The following PRKDC variants were observed in gnomAD, a reference collection of about 807,000 sequenced individuals.
PRKDC encodes protein kinase, DNA-activated, catalytic subunit.
Under a neutral mutation model 486.9 loss-of-function variants are expected in PRKDC, and 82 were observed. The observed-to-expected ratio is 0.17, with a 90% CI of 0.14 to 0.20. The LOEUF (loss-of-function observed/expected upper bound fraction) is 0.20. Ranked by LOEUF, PRKDC falls within the 10% of genes least tolerant of loss-of-function variation. The pLI is 1.00. For synonymous variants in PRKDC, 1,895 were observed against 1,837.0 expected, an observed-to-expected ratio of 1.03 and a Z score of -0.81; for missense variants, 4,504 against 5,038.2, an observed-to-expected ratio of 0.89 and a Z score of 3.21.
chr8:47,882,762 A>G (rs1280585241), intron 36 of PRKDC, among the ~76,000 whole-genome samples: 1 of 152,250 alleles, frequency 6.6e-6, no homozygotes, highest in Non-Finnish European at 1.5e-5. Context: ...CTGACTATGC[A>G]AACATTTTTC....
At chr8:47,879,122 A>G (rs1488344136) in intron 39 of PRKDC, among the ~76,000 whole-genome samples, 3 of 152,236 alleles carry the variant, frequency 2.0e-5, no homozygotes, top group Non-Finnish European at 4.4e-5. Context: ...TAACTTACAT[A>G]TATTTTACAC....
chr8:47,849,481 T>A lies in PRKDC; in HGVS notation c.7028A>T (p.Glu2343Val). 6.2e-7 allele frequency: 1 copy of A among 1,613,984 alleles called. No individual in the cohort carries two copies. Among genetic ancestry groups the A allele is most frequent in the Non-Finnish European group, 8.5e-7 (1 of 1,179,878 alleles). Residue 2343 changes from glutamate (E) to valine (V), a missense_variant, in exon 53 of 86, where the codon GAA becomes GTA. Physicochemically the swap from Glu to Val is moderately radical, Grantham distance 121. This residue lies in a region of PRKDC where 1,592 missense variants were observed against 1,724.6 expected (regional missense o/e 0.92). Coordinates refer to ENST00000314191, the MANE Select transcript of PRKDC (RefSeq NM_006904.7). ...RKNILEESLC[E>V]LVAKQLKQHQ... ...TTGCTTCAATTGTTTCGCAACCAGT[T>A]CACACAGAGACTCCTCCAGTATCTG...
At chr8:47,932,918 C>G in intron 16 of PRKDC, 102 bp downstream of exon 16, 3 of 1,054,518 alleles carry the variant, frequency 2.8e-6, no homozygotes, top group Non-Finnish European at 4.0e-6. Context: ...CAAATTTTCT[C>G]CAGTTCTCCT....
intron 70 of PRKDC, among the ~76,000 whole-genome samples, chr8:47,802,627 G>A (rs1211836927): frequency 6.6e-6 from 1 of 151,158 alleles, no homozygotes; most frequent in East Asian, 1.9e-4. Context: ...ACAGGCGCCT[G>A]CCACCACGCC....
Position 47,936,435 on chromosome 8 carries a change from T to C in PRKDC, c.1196A>G (p.Gln399Arg), listed in dbSNP as rs937475913. 6 of 1,614,012 alleles carry C rather than the reference T, an allele frequency of 3.7e-6. No homozygotes were observed. The East Asian group carries it at 1.3e-4, about 36-fold the overall frequency. ...IQRCKQMFLT[Q>R]TDTGDDRVYQ... ...AACACGGTCGTCACCAGTGTCTGTCTGGGTGAGGAACATCTGCTTGCAGCG... is the reference window on the plus strand; with the variant it reads ...AACACGGTCGTCACCAGTGTCTGTCCGGGTGAGGAACATCTGCTTGCAGCG... The change falls in exon 12 of 86, where the codon CAG (glutamine) becomes CGG (arginine). Residue 399 changes from glutamine (Q) to arginine (R), a missense_variant. Physicochemically the swap from Gln to Arg is conservative, Grantham distance 43. Around this residue, in one of 6 missense-constraint regions of PRKDC, gnomAD observed 1,969 missense variants for 2,068.9 expected, o/e 0.95. Coordinates refer to ENST00000314191, the MANE Select transcript of PRKDC (RefSeq NM_006904.7).
At chr8:47,792,656 A>C (rs568810188) in intron 74 of PRKDC, among the ~76,000 whole-genome samples, 1 of 152,284 alleles carries the variant, frequency 6.6e-6, no homozygotes, top group East Asian at 1.9e-4. Flanking sequence ...GAAGTGATGG[A>C]TACTCCACTT....
At chr8:47,957,846 A>G (rs1473763671) in intron 1 of PRKDC, among the ~76,000 whole-genome samples, 1 of 152,188 alleles carries the variant, frequency 6.6e-6, no homozygotes, top group Non-Finnish European at 1.5e-5. Context: ...CAGCCTTATA[A>G]ATATAAAACA....
intron 21 of PRKDC, among the ~76,000 whole-genome samples, chr8:47,926,674 A>G (rs888772049): frequency 2.0e-5 from 3 of 152,060 alleles, no homozygotes; most frequent in African/African-American, 7.2e-5. Flanking sequence ...GACTAGTAAT[A>G]TTTTGACCTG....
At chr8:47,857,368 G>A in intron 48 of PRKDC, 69 bp from the exon 49 acceptor site, 2 of 1,472,964 alleles carry the variant, frequency 1.4e-6, no homozygotes, top group Non-Finnish European at 1.8e-6. Context: ...ATACAAGACT[G>A]TATCTTCCAT....
intron 16 of PRKDC, among the ~76,000 whole-genome samples, chr8:47,931,543 GA>G (rs1449221616): frequency 6.6e-6 from 1 of 151,592 alleles, no homozygotes; most frequent in Non-Finnish European, 1.5e-5. Context: ...GCAAAGCACA[GA>G]GAGCAATAAA....
intron 40 of PRKDC, among the ~76,000 whole-genome samples, chr8:47,875,972 AAATATTACGCTG>A (rs2089083732): frequency 1.3e-5 from 2 of 152,338 alleles, no homozygotes; most frequent in African/African-American, 4.8e-5. Context: ...TGAACATCAA[AAATATTACGCTG>A]AACAAAGAAG....
intron 63 of PRKDC, among the ~76,000 whole-genome samples, chr8:47,824,973 C>T (rs2087700215): frequency 6.6e-6 from 1 of 152,136 alleles, no homozygotes; most frequent in Non-Finnish European, 1.5e-5. Flanking sequence ...TCTCCTAGAG[C>T]TTATGAATTC....
In PRKDC at chr8:47,939,735, A is replaced by T. The variant is rs377658133; in HGVS notation, c.967-38T>A. The T allele has an allele frequency of 2.1e-5, 31 of 1,461,148 alleles. No homozygotes were observed. In the African/African-American group the frequency reaches 4.0e-4, roughly 19 times the overall value. 90.5% of individuals were successfully genotyped at this position (1,461,148 alleles called of 1,614,324 possible). On this transcript the variant is annotated intron_variant, in intron 10 of 85. Coordinates refer to ENST00000314191, the MANE Select transcript of PRKDC (RefSeq NM_006904.7). ...AATATTTATTTTTTTGGAAATATTT[A>T]ATAGCAATGGAATCTATACAAACAT... is the stretch of plus-strand genomic sequence containing the variant.
chr8:47,879,651 G>C lies in PRKDC; in HGVS notation c.5075C>G (p.Ala1692Gly). ...GGTGAAGAATGGAAGAAGAGTGACA[G>C]CTTGGCCCTGTGGAGCAAGACAGAC... ...TKLDLHLKGQAVTLLPFFTSL... is the reference protein window; with the variant it reads ...TKLDLHLKGQGVTLLPFFTSL... Residue 1692 changes from alanine to glycine, a missense_variant, in exon 39 of 86, where the codon GCT becomes GGT. Ala to Gly is a moderately conservative substitution (Grantham distance 60). This residue lies in a region of PRKDC where 1,969 missense variants were observed against 2,068.9 expected (regional missense o/e 0.95). Coordinates refer to ENST00000314191, the MANE Select transcript of PRKDC (RefSeq NM_006904.7). 1 of 1,571,312 alleles carries C rather than the reference G, an allele frequency of 6.4e-7. No homozygotes were observed. Among genetic ancestry groups the C allele is most frequent in the Non-Finnish European group, 8.6e-7 (1 of 1,162,904 alleles).
chr8:47,801,233 G>A (rs949474892), intron 70 of PRKDC, among the ~76,000 whole-genome samples: 3 of 151,940 alleles, frequency 2.0e-5, no homozygotes, highest in East Asian at 1.9e-4. Flanking sequence ...CACCATGCCC[G>A]GCTATTTTTT....
In PRKDC at chr8:47,864,720, C is replaced by T. The variant is rs1395883517; in HGVS notation, c.5407G>A (p.Glu1803Lys). Residue 1803 changes from glutamate to lysine, a missense_variant, in exon 41 of 86, where the codon GAA becomes AAA. Physicochemically the swap from Glu to Lys is moderately conservative, Grantham distance 56. This residue lies in a region of PRKDC where 1,969 missense variants were observed against 2,068.9 expected (regional missense o/e 0.95). Transcript: ENST00000314191. ...TQVGLLESVY[E>K]MFRKDDPRLS... ...CGGGGGTCATCCTTCCTGAACATTT[C>T]ATACACGCTTTCCAGAAGGCCTACT... The T allele has an allele frequency of 6.2e-7, 1 of 1,605,218 alleles. No homozygotes were observed. Among genetic ancestry groups the T allele is most frequent in the Non-Finnish European group, 8.5e-7 (1 of 1,175,494 alleles).
chr8:47,774,850 AC>A (rs1445659342), intron 85 of PRKDC, among the ~76,000 whole-genome samples: 1 of 150,958 alleles, frequency 6.6e-6, no homozygotes, highest in Admixed American at 6.6e-5. Context: ...CTAGACTTGA[AC>A]TCCCGGGCTC....
chr8:47,936,280 G>T, intron 12 of PRKDC, 73 bp downstream of exon 12: 2 of 1,479,138 alleles, frequency 1.4e-6, no homozygotes, highest in Non-Finnish European at 1.8e-6. Context: ...TAAATGTATT[G>T]TATGACTCCA....
intron 70 of PRKDC, 44 bp from the exon 71 acceptor site, chr8:47,801,030 T>A: frequency 1.3e-6 from 2 of 1,534,542 alleles, no homozygotes. Context: ...TTTGTATGTG[T>A]GTGTGGAATT....
Sources: gnomAD v4.1 joint callset for allele counts (sites outside exome capture counted in the v4.1 genomes callset) on GRCh38, gnomAD v4.1.1 for gene constraint, gnomAD v4.1.1 regional missense constraint, MANE v1.5 for transcripts, NCBI Gene and HGNC (gene_info 2026-07-23, HGNC 2026-07-21) for gene names.